Variants in NTM observed in about 807,000 individuals in gnomAD.
NTM encodes the protein neurotrimin.
A neutral mutation model predicts 42.1 loss-of-function variants in NTM; 13 were observed. That is an observed-to-expected ratio of 0.31 (90% CI 0.20 to 0.49). The LOEUF (loss-of-function observed/expected upper bound fraction) is 0.49, where lower values mean the gene tolerates loss of function less well. Ranked by LOEUF, NTM falls within the 20% of genes least tolerant of loss-of-function variation. NTM has a pLI of 0.99. For missense variants in NTM, 373 were observed against 452.8 expected, an observed-to-expected ratio of 0.82 and a Z score of 1.60; for synonymous variants, 187 against 179.2, an observed-to-expected ratio of 1.04 and a Z score of -0.35.
At chr11:132,127,592 A>T (rs56828164) in intron 2 of NTM, among the ~76,000 whole-genome samples, 21,076 of 152,256 alleles carry the variant, frequency 0.14, 1,528 homozygotes, top group African/African-American at 0.16. Context: ...AACAGTATCT[A>T]TCTTTTCTGC....
At chr11:131,683,882 G>A (rs1262101807) in intron 1 of NTM, among the ~76,000 whole-genome samples, 1 of 152,204 alleles carries the variant, frequency 6.6e-6, no homozygotes, top group Non-Finnish European at 1.5e-5. Context: ...CCTGGTGCGT[G>A]TTGCTTTGTG....
chr11:132,249,082 A>T (rs922262402), intron 4 of NTM, among the ~76,000 whole-genome samples: 1 of 152,120 alleles, frequency 6.6e-6, no homozygotes, highest in African/African-American at 2.4e-5. Flanking sequence ...CAGTTCCATG[A>T]CTGCACCTGT....
At chr11:131,676,472 C>A (rs573118225) in intron 1 of NTM, among the ~76,000 whole-genome samples, 1 of 152,050 alleles carries the variant, frequency 6.6e-6, no homozygotes, top group Non-Finnish European at 1.5e-5. Flanking sequence ...TGTGTACATG[C>A]GTGTGCGGGG....
chr11:131,422,375 A>G (rs895933249), intron 1 of NTM, among the ~76,000 whole-genome samples: 1 of 152,214 alleles, frequency 6.6e-6, no homozygotes, highest in Non-Finnish European at 1.5e-5. Context: ...TGATTACAGA[A>G]TATTACCACT....
At chr11:132,256,484 CTTCCACCTT>C in intron 4 of NTM, among the ~76,000 whole-genome samples, 1 of 152,328 alleles carries the variant, frequency 6.6e-6, no homozygotes, top group South Asian at 2.1e-4. Flanking sequence ...AATCAGCCAC[CTTCCACCTT>C]TGAGTTCCAT....
intron 7 of NTM, among the ~76,000 whole-genome samples, chr11:132,318,475 A>G (rs572929171): frequency 6.6e-6 from 1 of 152,118 alleles, no homozygotes; most frequent in Admixed American, 6.6e-5. Context: ...CCCCTTCTCC[A>G]CAGTCCCTTT....
chr11:131,847,925 G>T (rs1237955056), intron 1 of NTM, among the ~76,000 whole-genome samples: 1 of 152,010 alleles, frequency 6.6e-6, no homozygotes, highest in Non-Finnish European at 1.5e-5. Flanking sequence ...AAATTATTTT[G>T]AACAATGTAT....
intron 1 of NTM, among the ~76,000 whole-genome samples, chr11:131,791,197 G>A (rs2090885707): frequency 6.6e-6 from 1 of 152,180 alleles, no homozygotes; most frequent in African/African-American, 2.4e-5. Flanking sequence ...TCAGCCTACT[G>A]ACTTTAATCT....
At chr11:131,711,788 A>G (rs984142032) in intron 1 of NTM, among the ~76,000 whole-genome samples, 226 of 152,122 alleles carry the variant, frequency 1.5e-3, no homozygotes, top group African/African-American at 5.2e-3. Flanking sequence ...CCACCATGGA[A>G]TACTATGCAG....
At chr11:132,226,910 T>C (rs536560965) in intron 4 of NTM, among the ~76,000 whole-genome samples, 1 of 152,248 alleles carries the variant, frequency 6.6e-6, no homozygotes, top group African/African-American at 2.4e-5. Flanking sequence ...GCTGGTAATA[T>C]ACTATTCTTG....
At chr11:131,634,915 G>C (rs2064173668) in intron 1 of NTM, among the ~76,000 whole-genome samples, 1 of 152,294 alleles carries the variant, frequency 6.6e-6, no homozygotes, top group Admixed American at 6.5e-5. Flanking sequence ...TATGATACGT[G>C]TATATATACA....
chr11:131,997,325 TCC>T (rs2068243868), intron 2 of NTM, among the ~76,000 whole-genome samples: 2 of 152,208 alleles, frequency 1.3e-5, no homozygotes, highest in African/African-American at 4.8e-5. Context: ...TCATTCCTGT[TCC>T]TCTGTCTATG....
chr11:131,401,537 G>A (rs969730933), intron 1 of NTM, among the ~76,000 whole-genome samples: 1 of 151,556 alleles, frequency 6.6e-6, no homozygotes, highest in African/African-American at 2.4e-5. Context: ...ACTCAGTAAA[G>A]ACATGATTTT....
At chr11:131,565,110 C>A (rs2056730519) in intron 1 of NTM, among the ~76,000 whole-genome samples, 3 of 152,214 alleles carry the variant, frequency 2.0e-5, no homozygotes, top group South Asian at 2.1e-4. Context: ...GCTGCAGACA[C>A]CCTGGCGCGC....
chr11:131,609,900 G>A (rs182803454), intron 1 of NTM, among the ~76,000 whole-genome samples: 2 of 152,308 alleles, frequency 1.3e-5, no homozygotes, highest in Admixed American at 1.3e-4. Flanking sequence ...CAGAGCTCAG[G>A]TTACCTGTTT....
chr11:131,440,816 T>TAAAAAAAAAAAAAAAAA (rs55915027), intron 1 of NTM, among the ~76,000 whole-genome samples: 1 of 42,922 alleles, frequency 2.3e-5, no homozygotes, highest in African/African-American at 1.0e-4. Flanking sequence ...ACAGCCTCCA[T>TAAAAAAAAAAAAAAAAA]AAAAAAAAAA....
At chr11:132,187,025 C>T (rs1021693096) in intron 3 of NTM, among the ~76,000 whole-genome samples, 1 of 152,148 alleles carries the variant, frequency 6.6e-6, no homozygotes, top group Non-Finnish European at 1.5e-5. Context: ...CATCTGAGTG[C>T]CAGGATCCAC....
intron 1 of NTM, among the ~76,000 whole-genome samples, chr11:131,484,827 C>T (rs1282061157): frequency 1.3e-5 from 2 of 152,116 alleles, no homozygotes; most frequent in Admixed American, 6.5e-5. Flanking sequence ...GGGCCACACC[C>T]TGAGAATTCA....
At chr11:131,435,390 A>G (rs1461831047) in intron 1 of NTM, among the ~76,000 whole-genome samples, 1 of 152,166 alleles carries the variant, frequency 6.6e-6, no homozygotes, top group Admixed American at 6.5e-5. Flanking sequence ...CAGTATGGCC[A>G]TTTTCACAAT....
Sources: allele counts gnomAD v4.1 joint callset (sites outside exome capture counted in the v4.1 genomes callset), GRCh38; gene constraint gnomAD v4.1.1; transcripts MANE v1.5; gene names NCBI Gene and HGNC (gene_info 2026-07-23, HGNC 2026-07-21).